The following DPP10 variants were observed in gnomAD, a reference collection of about 807,000 sequenced individuals.
DPP10 encodes inactive dipeptidyl peptidase 10.
A neutral mutation model predicts 120.9 loss-of-function variants in DPP10; 33 were observed. The ratio of observed to expected loss-of-function variants is 0.27; its 90% CI spans 0.21 to 0.37. DPP10 has a LOEUF of 0.37. DPP10 is among the 10% of genes least tolerant of loss of function. The pLI, the probability that DPP10 is intolerant of heterozygous loss-of-function variation, is 1.00. For missense variants in DPP10, 816 were observed against 942.8 expected (o/e 0.87, Z 1.76); for synonymous variants, 337 against 326.1 (o/e 1.03, Z -0.36).
chr2:115,795,841 A>G (rs1450301451), intron 19 of DPP10, among the ~76,000 whole-genome samples: 1 of 152,122 alleles, frequency 6.6e-6, no homozygotes, highest in African/African-American at 2.4e-5. Flanking sequence ...CAGACATCCT[A>G]TCTGGATGAC....
intron 8 of DPP10, among the ~76,000 whole-genome samples, chr2:115,729,575 A>G (rs542512229): frequency 1.8e-4 from 27 of 152,300 alleles, no homozygotes; most frequent in Non-Finnish European, 3.8e-4. Flanking sequence ...ATACCAGCCT[A>G]GACAAAATAG....
At chr2:114,663,449 T>C (rs999176650) in intron 1 of DPP10, among the ~76,000 whole-genome samples, 1 of 150,568 alleles carries the variant, frequency 6.6e-6, no homozygotes, top group Admixed American at 6.6e-5. Context: ...TGGATATATT[T>C]AGACTTTTGA....
chr2:115,670,694 A>G (rs1333996103), intron 5 of DPP10, among the ~76,000 whole-genome samples: 2 of 152,158 alleles, frequency 1.3e-5, no homozygotes, highest in African/African-American at 4.8e-5. Context: ...CCATTCTCAA[A>G]TAAGGACTAT....
intron 7 of DPP10, among the ~76,000 whole-genome samples, chr2:115,692,141 T>G (rs1319454266): frequency 1.3e-5 from 2 of 151,818 alleles, no homozygotes. Flanking sequence ...TATGGTGGGG[T>G]TTTTTGTTTT....
At position 115,286,517 on chromosome 2, in the gene DPP10, TATATATATA is replaced by T. The variant is rs1463174133; in HGVS notation, c.61-22712_61-22704del. On this transcript the variant is annotated intron_variant, in intron 1 of 25. Coordinates refer to ENST00000410059, the MANE Select transcript of DPP10 (RefSeq NM_020868.6). ...ATATATATATATTACATATATAATA[TATATATATA>T]ATATATATATATATAAAATATATAC... 9.7e-4 allele frequency among the ~76,000 whole-genome samples: 43 copies of T among 44,222 alleles called. 2 individuals are homozygous for T. The highest frequency in any genetic ancestry group is 3.3e-3 in the East Asian group (3 of 920). The allele number at this position is 44,222 out of a possible 152,430, so 29.0% of individuals were successfully genotyped here.
At chr2:115,347,683 C>T (rs1057346621) in intron 3 of DPP10, among the ~76,000 whole-genome samples, 1 of 152,016 alleles carries the variant, frequency 6.6e-6, no homozygotes, top group Non-Finnish European at 1.5e-5. Flanking sequence ...CTCCCTGTGT[C>T]TATGTGTTCT....
intron 1 of DPP10, among the ~76,000 whole-genome samples, chr2:114,926,726 G>A (rs1038312606): frequency 5.9e-5 from 9 of 152,140 alleles, no homozygotes; most frequent in African/African-American, 2.2e-4. Context: ...GAGGAGATAG[G>A]CAAACCCTTG....
At chr2:115,660,335 G>T (rs1013607354) in intron 5 of DPP10, among the ~76,000 whole-genome samples, 18 of 151,968 alleles carry the variant, frequency 1.2e-4, no homozygotes, top group African/African-American at 4.1e-4. Flanking sequence ...TTTTCACATT[G>T]CTATGACCAT....
intron 1 of DPP10, among the ~76,000 whole-genome samples, chr2:114,556,729 T>C (rs1688343049): frequency 6.6e-6 from 1 of 152,104 alleles, no homozygotes; most frequent in Admixed American, 6.6e-5. Context: ...TTTTCAGATT[T>C]GGAGGTCTAA....
chr2:115,834,103 T>G (rs1260223892), intron 21 of DPP10, among the ~76,000 whole-genome samples: 1 of 152,208 alleles, frequency 6.6e-6, no homozygotes, highest in Non-Finnish European at 1.5e-5. Context: ...TACTAATCGT[T>G]AAAGCTTTGC....
At chr2:115,625,311 A>G (rs2085273582) in intron 5 of DPP10, among the ~76,000 whole-genome samples, 1 of 152,136 alleles carries the variant, frequency 6.6e-6, no homozygotes, top group Non-Finnish European at 1.5e-5. Flanking sequence ...TCAGTATTTA[A>G]AATTACTGTA....
chr2:115,046,215 A>G (rs1705060354), intron 1 of DPP10, among the ~76,000 whole-genome samples: 1 of 152,234 alleles, frequency 6.6e-6, no homozygotes, highest in Non-Finnish European at 1.5e-5. Flanking sequence ...CATTTCAACA[A>G]ATTATATTGT....
chr2:115,550,797 T>C (rs2079826463), intron 5 of DPP10, among the ~76,000 whole-genome samples: 1 of 152,094 alleles, frequency 6.6e-6, no homozygotes, highest in Non-Finnish European at 1.5e-5. Flanking sequence ...GGAGAAACAA[T>C]CAAAGAAAGC....
At chr2:115,164,540 A>G (rs1407019853) in intron 1 of DPP10, among the ~76,000 whole-genome samples, 3 of 152,168 alleles carry the variant, frequency 2.0e-5, no homozygotes, top group Non-Finnish European at 4.4e-5. Context: ...ATCAATCACT[A>G]TGCATTGATT....
intron 2 of DPP10, among the ~76,000 whole-genome samples, chr2:115,334,305 A>G (rs553406867): frequency 1.4e-5 from 2 of 142,666 alleles, no homozygotes; most frequent in African/African-American, 5.1e-5. Context: ...GGCAAAAGAA[A>G]GATATATAGA....
intron 1 of DPP10, among the ~76,000 whole-genome samples, chr2:114,627,945 G>A (rs1034466611): frequency 2.0e-5 from 3 of 152,128 alleles, no homozygotes; most frequent in African/African-American, 7.2e-5. Flanking sequence ...AAGGTTGTGT[G>A]AAATGGGGTA....
chr2:114,559,685 G>A (rs1323710177), intron 1 of DPP10, among the ~76,000 whole-genome samples: 1 of 152,084 alleles, frequency 6.6e-6, no homozygotes, highest in Non-Finnish European at 1.5e-5. Context: ...GTTCTAGAGT[G>A]TGGGACTCTC....
chr2:115,270,567 T>G (rs1023711260), intron 1 of DPP10, among the ~76,000 whole-genome samples: 4 of 152,180 alleles, frequency 2.6e-5, no homozygotes, highest in African/African-American at 9.6e-5. Context: ...GCTGTGGGTG[T>G]GCTGAGCTGT....
chr2:114,712,874 A>G (rs1701114044), intron 1 of DPP10, among the ~76,000 whole-genome samples: 1 of 152,184 alleles, frequency 6.6e-6, no homozygotes, highest in African/African-American at 2.4e-5. Context: ...TTAGAGTTGT[A>G]TAATATTATT....
Sources: allele counts gnomAD v4.1 joint callset (sites outside exome capture counted in the v4.1 genomes callset), GRCh38; gene constraint gnomAD v4.1.1; transcripts MANE v1.5; gene names NCBI Gene and HGNC (gene_info 2026-07-23, HGNC 2026-07-21).